Variants in HIBADH observed in about 807,000 individuals in gnomAD.
HIBADH encodes 3-hydroxyisobutyrate dehydrogenase.
HIBADH carries 25 observed loss-of-function variants against 36.1 expected under a neutral mutation model. The observed-to-expected ratio is 0.69, with a 90% confidence interval of 0.50 to 0.97. The LOEUF (loss-of-function observed/expected upper bound fraction) is 0.97, where lower values mean the gene tolerates loss of function less well. HIBADH is among the 50% of genes least tolerant of loss of function. The probability of loss-of-function intolerance (pLI) is 0.00; values close to 1 mark genes in which losing one functional copy is unlikely to be tolerated. For synonymous variants in HIBADH, 160 were observed against 149.5 expected, an observed-to-expected ratio of 1.07 and a Z score of -0.51; for missense variants, 421 against 418.0, an observed-to-expected ratio of 1.01 and a Z score of -0.06.
intron 4 of HIBADH, among the ~76,000 whole-genome samples, chr7:27,626,721 C>T (rs1785655351): frequency 6.6e-6 from 1 of 152,102 alleles, no homozygotes; most frequent in Non-Finnish European, 1.5e-5. Context: ...CTTTAAAATA[C>T]TAACCATAGG....
chr7:27,551,989 ATTG>A (rs1784325316), intron 4 of HIBADH, among the ~76,000 whole-genome samples: 1 of 152,188 alleles, frequency 6.6e-6, no homozygotes, highest in Non-Finnish European at 1.5e-5. Flanking sequence ...TGGTGTCTCT[ATTG>A]TTTACCAGCG....
At chr7:27,545,926 G>A (rs1187287597) in intron 4 of HIBADH, among the ~76,000 whole-genome samples, 1 of 152,158 alleles carries the variant, frequency 6.6e-6, no homozygotes, top group Non-Finnish European at 1.5e-5. Context: ...AAATAGCATG[G>A]TAGAAAGGGT....
chr7:27,564,929 TTTTAA>T (rs1315771687), intron 4 of HIBADH, among the ~76,000 whole-genome samples: 1 of 152,230 alleles, frequency 6.6e-6, no homozygotes, highest in Non-Finnish European at 1.5e-5. Flanking sequence ...TAATTATGCC[TTTTAA>T]TTTATTTCTG....
At chr7:27,623,048 A>G (rs887478839) in intron 4 of HIBADH, among the ~76,000 whole-genome samples, 21 of 152,354 alleles carry the variant, frequency 1.4e-4, no homozygotes, top group Admixed American at 1.2e-3. Context: ...GTAGCATATC[A>G]AAAAGATAAT....
chr7:27,538,260 GA>G, intron 6 of HIBADH, 80 bp downstream of exon 6: 2 of 1,061,278 alleles, frequency 1.9e-6, no homozygotes. Flanking sequence ...TATCTCTCAT[GA>G]ATATCATTTT....
chr7:27,614,929 A>C (rs1192391391), intron 4 of HIBADH, among the ~76,000 whole-genome samples: 3 of 152,168 alleles, frequency 2.0e-5, no homozygotes, highest in Non-Finnish European at 4.4e-5. Flanking sequence ...CTAACCTAAT[A>C]GGACTGATCT....
At chr7:27,526,484 A>C (rs1783899866) in intron 7 of HIBADH, 112 bp from the exon 8 acceptor site, 3 of 785,612 alleles carry the variant, frequency 3.8e-6, no homozygotes, top group Non-Finnish European at 5.5e-6. Context: ...TGAAAAAATA[A>C]GATACTTATA....
chr7:27,530,507 G>A (rs1034987823), intron 7 of HIBADH, among the ~76,000 whole-genome samples: 25 of 152,078 alleles, frequency 1.6e-4, no homozygotes, highest in Admixed American at 7.9e-4. Context: ...GCGCCTGGCC[G>A]TATTCTTACT....
chr7:27,636,448 C>T lies in HIBADH; in HGVS notation c.253-4003G>A, dbSNP rs547228438. ...AACTGACAAAAGCGCTTTGTGCCTA[C>T]ATCTTGAAACATTTGGTCAACAATG... On this transcript the variant is annotated intron_variant, in intron 2 of 7. Transcript: ENST00000265395. 7.9e-5 allele frequency among the ~76,000 whole-genome samples: 12 copies of T among 152,348 alleles called. No homozygotes were observed. In the East Asian group the frequency reaches 2.1e-3, roughly 27 times the overall value.
At chr7:27,601,796 C>A (rs1013173601) in intron 4 of HIBADH, among the ~76,000 whole-genome samples, 1 of 151,656 alleles carries the variant, frequency 6.6e-6, no homozygotes, top group African/African-American at 2.4e-5. Flanking sequence ...CCTTTTTGTT[C>A]CTTTAGTTAA....
intron 3 of HIBADH, among the ~76,000 whole-genome samples, 168 bp from the exon 4 acceptor site, chr7:27,629,660 T>C (rs573651512): frequency 6.6e-6 from 1 of 152,254 alleles, no homozygotes; most frequent in East Asian, 1.9e-4. Flanking sequence ...TCATTCTTTT[T>C]GAGACCAATT....
intron 4 of HIBADH, among the ~76,000 whole-genome samples, chr7:27,551,036 G>T (rs1216107880): frequency 2.6e-4 from 39 of 152,042 alleles, no homozygotes; most frequent in Non-Finnish European, 1.5e-5. Context: ...AGTATGTGAG[G>T]TAATTAACTA....
chr7:27,579,222 T>C (rs1784756725), intron 4 of HIBADH, among the ~76,000 whole-genome samples: 1 of 152,216 alleles, frequency 6.6e-6, no homozygotes, highest in African/African-American at 2.4e-5. Context: ...GATAGTAGTT[T>C]TGGAGTTATG....
intron 4 of HIBADH, among the ~76,000 whole-genome samples, chr7:27,621,518 G>A (rs565937721): frequency 7.8e-4 from 118 of 152,208 alleles, no homozygotes; most frequent in African/African-American, 2.7e-3. Flanking sequence ...ACAGCCAGGC[G>A]CAGTGGCTCA....
intron 4 of HIBADH, among the ~76,000 whole-genome samples, chr7:27,608,861 C>G (rs1406590257): frequency 6.6e-6 from 1 of 152,154 alleles, no homozygotes; most frequent in Non-Finnish European, 1.5e-5. Flanking sequence ...TAAAAATACC[C>G]TGGGATTACT....
intron 4 of HIBADH, among the ~76,000 whole-genome samples, chr7:27,561,814 CAT>C (rs1195493844): frequency 6.6e-6 from 1 of 152,104 alleles, no homozygotes; most frequent in Non-Finnish European, 1.5e-5. Context: ...TTTACATTGT[CAT>C]ATCTTTTTAA....
At chr7:27,644,911 T>C (rs1786035264) in intron 2 of HIBADH, among the ~76,000 whole-genome samples, 4 of 152,210 alleles carry the variant, frequency 2.6e-5, no homozygotes, top group Admixed American at 2.6e-4. Context: ...GAAAAGTCTA[T>C]AGTATGTGGT....
rs76207274 is a variant in HIBADH, at chr7:27,628,747, G to A, written c.484+624C>T. On this transcript the variant is annotated intron_variant, in intron 4 of 7. Transcript: ENST00000265395. ...TGTTTAATCTCATTCATACATGGTT[G>A]GATTCAGTTTGCTAATATAAAGTTT... is the stretch of plus-strand genomic sequence containing the variant. 6.4e-3 allele frequency among the ~76,000 whole-genome samples: 976 copies of A among 152,044 alleles called. 7 individuals are homozygous for A. The highest frequency in any genetic ancestry group is 0.014 in the Middle Eastern group (4 of 294).
intron 4 of HIBADH, among the ~76,000 whole-genome samples, chr7:27,554,554 C>T (rs558303652): frequency 5.3e-5 from 8 of 152,266 alleles, no homozygotes; most frequent in Non-Finnish European, 1.2e-4. Flanking sequence ...TATTCCCTGT[C>T]TAGTTTGCTT....
Sources: gnomAD v4.1 joint callset for allele counts (sites outside exome capture counted in the v4.1 genomes callset) on GRCh38, gnomAD v4.1.1 for gene constraint, MANE v1.5 for transcripts, NCBI Gene and HGNC (gene_info 2026-07-23, HGNC 2026-07-21) for gene names.